The following ZNF462 variants were observed in gnomAD, a reference collection of about 807,000 sequenced individuals.
ZNF462 encodes the protein zinc finger PBX1-interacting protein.
A neutral mutation model predicts 201.9 loss-of-function variants in ZNF462; 10 were observed. That is an observed-to-expected ratio of 0.05 (90% CI 0.03 to 0.08). ZNF462 has a LOEUF of 0.08. ZNF462 is among the 10% of genes least tolerant of loss of function. The pLI, the probability that ZNF462 is intolerant of heterozygous loss-of-function variation, is 1.00. For missense variants in ZNF462, 2,523 were observed against 3,168.3 expected (o/e 0.80, Z 4.89); for synonymous variants, 1,227 against 1,193.3 (o/e 1.03, Z -0.58).
chr9:106,887,968 G>A (rs116717372), intron 1 of ZNF462, among the ~76,000 whole-genome samples: 2,719 of 152,100 alleles, frequency 0.018, 79 homozygotes, highest in African/African-American at 0.061. Context: ...GTGCCTGGCA[G>A]TCTAAAGCAT....
chr9:106,974,021 C>T lies in ZNF462; in HGVS notation c.6696-116C>T. 1 of 1,347,936 alleles carries T rather than the reference C, an allele frequency of 7.4e-7. No homozygotes were observed. The highest frequency in any genetic ancestry group is 2.1e-5 in the Admixed American group (1 of 47,734). 83.5% of individuals were successfully genotyped at this position (1,347,936 alleles called of 1,614,324 possible). ...ACATGATGAACAGATTTTTTTTTAG[C>T]CCCACAAGCAGGAGAGCCGCACTTG... On this transcript the variant is annotated intron_variant, in intron 8 of 12. Transcript: ENST00000277225. This position sits in a 1 kb window ranked among gnomAD's most constrained non-coding sequence, Gnocchi z 4.0.
intron 1 of ZNF462, among the ~76,000 whole-genome samples, chr9:106,892,781 C>T (rs775404370): frequency 6.6e-6 from 1 of 152,050 alleles, no homozygotes; most frequent in African/African-American, 2.4e-5. Flanking sequence ...CTGTTTCCTC[C>T]GTCATCTGTA....
chr9:106,923,279 G>A lies in ZNF462; in HGVS notation c.-30-75G>A. Reference sequence around the variant, plus strand: ...ATACTGGAATTTTTTCCCATTAATGGATATATAGCCCCATCAGCTCGAGGT... The same window carrying A: ...ATACTGGAATTTTTTCCCATTAATGAATATATAGCCCCATCAGCTCGAGGT... On this transcript the variant is annotated intron_variant, in intron 1 of 12. Coordinates refer to ENST00000277225, the MANE Select transcript of ZNF462 (RefSeq NM_021224.6). This position sits in a 1 kb window ranked among gnomAD's most constrained non-coding sequence, Gnocchi z 5.6. 9.0e-7 allele frequency: 1 copy of A among 1,108,528 alleles called. No individual in the cohort carries two copies. Among genetic ancestry groups the A allele is most frequent in the East Asian group, 2.4e-5 (1 of 41,902 alleles). 68.7% of individuals were successfully genotyped at this position (1,108,528 alleles called of 1,614,324 possible). A position where few individuals can be genotyped will look rare whatever the true frequency, so the allele number is the denominator to read the frequency against.
In ZNF462 at chr9:106,883,448, A is replaced by C. The variant is rs891030878; in HGVS notation, c.-31+20093A>C. 6.6e-6 allele frequency among the ~76,000 whole-genome samples: 1 copy of C among 152,164 alleles called. No individual in the cohort carries two copies. Among genetic ancestry groups the C allele is most frequent in the Non-Finnish European group, 1.5e-5 (1 of 68,014 alleles). On this transcript the variant is annotated intron_variant, in intron 1 of 12. Transcript: ENST00000277225. The surrounding 1 kb of genome is among the most constrained non-coding windows in gnomAD (Gnocchi z 4.9). ...TTTTCTCCTCATGATCCTGTTTGGTAATTCTGATTTTAATCCTCACATTTT... is the reference window on the plus strand; with the variant it reads ...TTTTCTCCTCATGATCCTGTTTGGTCATTCTGATTTTAATCCTCACATTTT...
Position 106,923,543 on chromosome 9 carries a change from C to A in ZNF462, c.160C>A (p.Gln54Lys). The change falls in exon 2 of 13, where the codon CAG becomes AAG. Residue 54 changes from glutamine (Q) to lysine (K), a missense_variant. This residue lies in a region of ZNF462 where 480 missense variants were observed against 544.4 expected (regional missense o/e 0.88). Transcript: ENST00000277225. The surrounding 1 kb of genome is among the most constrained non-coding windows in gnomAD (Gnocchi z 5.6). ...ATGTGGGTCCGTGAATGCCAGTAAT[C>A]AGACAGAGGTGGAGTTTTCTTCTAT... ...LRCGSVNASN[Q>K]TEVEFSSIKD... 1 of 1,614,218 alleles carries A rather than the reference C, an allele frequency of 6.2e-7. No homozygotes were observed. The highest frequency in any genetic ancestry group is 1.1e-5 in the South Asian group (1 of 91,082).
In ZNF462 at chr9:107,012,739, G is replaced by A. The variant is rs1282837912; in HGVS notation, c.*1709G>A. ...TTTTTTTTTTTTTTTTTACTTGGAA[G>A]GGTTGTGGGAGGGTGGGAGGGAAGA... On this transcript the variant is annotated 3_prime_UTR_variant, in exon 13 of 13. Coordinates refer to ENST00000277225, the MANE Select transcript of ZNF462 (RefSeq NM_021224.6). 3 of 143,126 alleles carry A rather than the reference G, an allele frequency of 2.1e-5. No individual in the cohort carries two copies. Among genetic ancestry groups the A allele is most frequent in the Admixed American group, 1.4e-4 (2 of 14,008 alleles). The allele number at this position is 143,126 out of a possible 1,614,324, so 8.9% of individuals were successfully genotyped here. A position where few individuals can be genotyped will look rare whatever the true frequency, so the allele number is the denominator to read the frequency against.
At position 106,865,966 on chromosome 9, in the gene ZNF462, G is replaced by T. The variant is rs1190494400; in HGVS notation, c.-31+2611G>T. ...ATTTTTAAAAGCCAACCATGAAGAT[G>T]TTGCTTTTCCATTAGGTGAGGTAGC... On this transcript the variant is annotated intron_variant, in intron 1 of 12. Coordinates refer to ENST00000277225, the MANE Select transcript of ZNF462 (RefSeq NM_021224.6). The surrounding 1 kb of genome is among the most constrained non-coding windows in gnomAD (Gnocchi z 4.1). 6.6e-6 allele frequency among the ~76,000 whole-genome samples: 1 copy of T among 152,174 alleles called. No individual in the cohort carries two copies. Among genetic ancestry groups the T allele is most frequent in the Non-Finnish European group, 1.5e-5 (1 of 68,030 alleles).
intron 7 of ZNF462, among the ~76,000 whole-genome samples, chr9:106,946,573 C>T (rs1322855382): frequency 6.6e-6 from 1 of 152,080 alleles, no homozygotes; most frequent in Non-Finnish European, 1.5e-5. Context: ...GGAGAAGTCA[C>T]AAGAGTGAGC....
rs1402168922 is a variant in ZNF462, at chr9:106,984,631, A to G, written c.7056+222A>G. Among the ~76,000 whole-genome samples the G allele has an allele frequency of 1.3e-5, 2 of 152,194 alleles. No individual in the cohort carries two copies. Among genetic ancestry groups the G allele is most frequent in the Non-Finnish European group, 2.9e-5 (2 of 68,022 alleles). ...AAGGGAAATCACCCATAATTCTACC[A>G]CACTAGTCCAAATGCTGAACATTTC... On this transcript the variant is annotated intron_variant, in intron 10 of 12. Coordinates refer to ENST00000277225, the MANE Select transcript of ZNF462 (RefSeq NM_021224.6). This position sits in a 1 kb window ranked among gnomAD's most constrained non-coding sequence, Gnocchi z 6.4.
At chr9:106,866,263 C>T (rs1437786942) in intron 1 of ZNF462, among the ~76,000 whole-genome samples, 1 of 152,128 alleles carries the variant, frequency 6.6e-6, no homozygotes, top group Non-Finnish European at 1.5e-5. Context: ...GTGTAAAGTT[C>T]CTTATGTCTA....
intron 1 of ZNF462, among the ~76,000 whole-genome samples, chr9:106,904,813 T>G (rs1588030409): frequency 6.6e-6 from 1 of 152,324 alleles, no homozygotes; most frequent in African/African-American, 2.4e-5. Context: ...TATCTCTCCC[T>G]TCTCTTCTTG....
At chr9:106,999,354 T>G (rs535810126) in intron 10 of ZNF462, among the ~76,000 whole-genome samples, 2 of 152,290 alleles carry the variant, frequency 1.3e-5, no homozygotes, top group East Asian at 3.9e-4. Flanking sequence ...CCCTTTGACT[T>G]TGACCCTGTA....
At chr9:106,998,100 C>T (rs955780372) in intron 10 of ZNF462, among the ~76,000 whole-genome samples, 1 of 152,162 alleles carries the variant, frequency 6.6e-6, no homozygotes, top group Admixed American at 6.6e-5. Context: ...ATAAGTCATT[C>T]AAAATCTTCA....
chr9:106,942,084 C>T (rs1476691993), intron 7 of ZNF462, among the ~76,000 whole-genome samples: 2 of 152,174 alleles, frequency 1.3e-5, no homozygotes, highest in Admixed American at 1.3e-4. Flanking sequence ...GTGTTGCAGG[C>T]CTGGGGGGAG....
rs1166829692 is a variant in ZNF462, at chr9:106,924,355, T to C, written c.443T>C (p.Leu148Ser). ...TCAGGACCCCCTGTCCCGGGATCCT[T>C]AAATTATAATATCATGATGCACGAG... is the stretch of plus-strand genomic sequence containing the variant. ...SSSGPPVPGS[L>S]NYNIMMHEGF... The change falls in exon 3 of 13, where the codon TTA becomes TCA. Residue 148 changes from leucine to serine, a missense_variant. This residue lies in a region of ZNF462 where 480 missense variants were observed against 544.4 expected (regional missense o/e 0.88). Transcript: ENST00000277225. This position sits in a 1 kb window ranked among gnomAD's most constrained non-coding sequence, Gnocchi z 6.2. 1 of 1,614,144 alleles carries C rather than the reference T, an allele frequency of 6.2e-7. No individual in the cohort carries two copies. The highest frequency in any genetic ancestry group is 8.5e-7 in the Non-Finnish European group (1 of 1,180,036).
At chr9:106,882,714 C>T (rs528057800) in intron 1 of ZNF462, among the ~76,000 whole-genome samples, 2 of 152,196 alleles carry the variant, frequency 1.3e-5, no homozygotes, top group East Asian at 1.9e-4. Flanking sequence ...AATTCAAACT[C>T]GAATATTCAG....
chr9:106,905,131 ACT>A lies in ZNF462; in HGVS notation c.-30-18219_-30-18218del, dbSNP rs1036816816. On this transcript the variant is annotated intron_variant, in intron 1 of 12. Transcript: ENST00000277225. This position sits in a 1 kb window ranked among gnomAD's most constrained non-coding sequence, Gnocchi z 5.9. Reference sequence around the variant, plus strand: ...AAGGGGTGTTCCCTTGATGTGTAGTACTCTCCCCCTTTTCCTATGGATGTGGC... The same window carrying A: ...AAGGGGTGTTCCCTTGATGTGTAGTACTCCCCCTTTTCCTATGGATGTGGC... Among the ~76,000 whole-genome samples, 1 of 150,822 alleles carries A rather than the reference ACT, an allele frequency of 6.6e-6. No homozygotes were observed. Among genetic ancestry groups the A allele is most frequent in the African/African-American group, 2.4e-5 (1 of 41,024 alleles).
In ZNF462 at chr9:106,974,459, T is replaced by A; in HGVS notation, c.6832+186T>A. ...GGCAAAAACACCTTCCTGCTGGGAG[T>A]ATTTCCTCCACCTGGAGGGAGGCAA... On this transcript the variant is annotated intron_variant, in intron 9 of 12. Coordinates refer to ENST00000277225, the MANE Select transcript of ZNF462 (RefSeq NM_021224.6). This position sits in a 1 kb window ranked among gnomAD's most constrained non-coding sequence, Gnocchi z 4.0. 1 of 840,178 alleles carries A rather than the reference T, an allele frequency of 1.2e-6. No homozygotes were observed. Among genetic ancestry groups the A allele is most frequent in the Middle Eastern group, 3.5e-4 (1 of 2,818 alleles). 52.0% of individuals were successfully genotyped at this position (840,178 alleles called of 1,614,324 possible). A position where few individuals can be genotyped will look rare whatever the true frequency, so the allele number is the denominator to read the frequency against.
intron 1 of ZNF462, among the ~76,000 whole-genome samples, chr9:106,916,154 A>G (rs530831004): frequency 1.3e-5 from 2 of 152,342 alleles, no homozygotes; most frequent in East Asian, 3.9e-4. Context: ...GCATAGTAAT[A>G]GAAAACAAGG....
Sources: allele counts gnomAD v4.1 joint callset (sites outside exome capture counted in the v4.1 genomes callset), GRCh38; gene constraint gnomAD v4.1.1; regional missense constraint gnomAD v4.1.1; non-coding constraint Gnocchi (gnomAD v3.1); transcripts MANE v1.5; gene names NCBI Gene and HGNC (gene_info 2026-07-23, HGNC 2026-07-21).